The following ZZEF1 variants were observed in gnomAD, a reference collection of about 807,000 sequenced individuals.
ZZEF1 encodes the protein zinc finger ZZ-type and EF-hand domain containing 1, also known as zinc finger ZZ-type and EF-hand domain-containing protein 1.
ZZEF1 carries 157 observed loss-of-function variants against 342.8 expected under a neutral mutation model. The ratio of observed to expected loss-of-function variants is 0.46; its 90% CI spans 0.40 to 0.52. ZZEF1 has a LOEUF of 0.52. Ranked by LOEUF, ZZEF1 falls within the 20% of genes least tolerant of loss-of-function variation. ZZEF1 has a pLI of 0.00. For missense variants in ZZEF1, 3,480 were observed against 3,725.6 expected (o/e 0.93, Z 1.72); for synonymous variants, 1,505 against 1,429.1 (o/e 1.05, Z -1.20).
Position 4,014,549 on chromosome 17 carries a change from T to G in ZZEF1, c.8146-34A>C, listed in dbSNP as rs1257923334. ...GGGAAATGGAGAACACATCTGTCGA[T>G]GCTGCTCACTAGACACTGACTGCAG... is the stretch of plus-strand genomic sequence containing the variant. On this transcript the variant is annotated intron_variant, in intron 49 of 54. Transcript: ENST00000381638. This position sits in a 1 kb window ranked among gnomAD's most constrained non-coding sequence, Gnocchi z 4.4. 1 of 1,610,346 alleles carries G rather than the reference T, an allele frequency of 6.2e-7. No individual in the cohort carries two copies. The highest frequency in any genetic ancestry group is 8.5e-7 in the Non-Finnish European group (1 of 1,177,124).
chr17:4,084,900 C>T (rs1318048381), intron 16 of ZZEF1, among the ~76,000 whole-genome samples: 1 of 152,168 alleles, frequency 6.6e-6, no homozygotes, highest in Non-Finnish European at 1.5e-5. Context: ...ATCACTTGAG[C>T]CTTGGGCTTC....
chr17:4,074,136 G>T lies in ZZEF1; in HGVS notation c.3685+14C>A. 6.2e-7 allele frequency: 1 copy of T among 1,613,186 alleles called. No homozygotes were observed. The highest frequency in any genetic ancestry group is 1.3e-5 in the African/African-American group (1 of 75,048). On this transcript the variant is annotated intron_variant, in intron 24 of 54. Transcript: ENST00000381638. ...GTGGTTGTAAGAAGGGAAAGCACAG[G>T]GATGTGCACTTACGGCGCACAGACT...
Position 4,104,812 on chromosome 17 carries a change from C to T in ZZEF1, c.1395-1G>A. The T allele has an allele frequency of 6.2e-7, 1 of 1,609,598 alleles. No individual in the cohort carries two copies. The highest frequency in any genetic ancestry group is 8.5e-7 in the Non-Finnish European group (1 of 1,178,738). On this transcript the variant is annotated splice_acceptor_variant, in intron 7 of 54. Transcript: ENST00000381638. LOFTEE classifies it high-confidence loss of function. ...TTCTACCTCTGGGGTAGAACAGCAGCTATAAGCAAAGAGCAAAAACTTTTC... is the reference window on the plus strand; with the variant it reads ...TTCTACCTCTGGGGTAGAACAGCAGTTATAAGCAAAGAGCAAAAACTTTTC...
chr17:4,065,625 A>G (rs1259987746), intron 28 of ZZEF1, among the ~76,000 whole-genome samples: 3 of 152,140 alleles, frequency 2.0e-5, no homozygotes, highest in Non-Finnish European at 1.5e-5. Flanking sequence ...TTCCGTCATT[A>G]TTAACTCACG....
intron 19 of ZZEF1, among the ~76,000 whole-genome samples, chr17:4,077,369 C>T (rs527684512): frequency 2.6e-5 from 4 of 152,246 alleles, no homozygotes; most frequent in South Asian, 2.1e-4. Flanking sequence ...TAAGTGTTTT[C>T]GTCACAGCTG....
At chr17:4,110,369 G>A (rs577082425) in intron 5 of ZZEF1, among the ~76,000 whole-genome samples, 52 of 152,276 alleles carry the variant, frequency 3.4e-4, no homozygotes, top group Non-Finnish European at 5.6e-4. Flanking sequence ...GAGAAGGTAA[G>A]AATTTAAAAA....
chr17:4,022,865 G>C, intron 43 of ZZEF1, 37 bp from the exon 44 acceptor site: 1 of 1,609,470 alleles, frequency 6.2e-7, no homozygotes, highest in Non-Finnish European at 8.5e-7. Flanking sequence ...TGACTGCCTT[G>C]GAGTGAAGAA....
Position 4,095,868 on chromosome 17 carries a change from A to G in ZZEF1, c.1876T>C (p.Trp626Arg). 6.2e-7 allele frequency: 1 copy of G among 1,613,382 alleles called. No homozygotes were observed. The highest frequency in any genetic ancestry group is 8.5e-7 in the Non-Finnish European group (1 of 1,179,596). ...HFKRFEKYDKWKLQELRQFVK... is the reference protein window; with the variant it reads ...HFKRFEKYDKRKLQELRQFVK... ...AATTGCCTGAGCTCCTGAAGCTTCC[A>G]TTTGTCATATTTTTCAAACCTTTTG... is the stretch of plus-strand genomic sequence containing the variant. The change falls in exon 11 of 55, where the codon TGG becomes CGG. Residue 626 changes from tryptophan (W) to arginine (R), a missense_variant. Trp to Arg is a moderately radical substitution (Grantham distance 101). Around this residue, in one of 5 missense-constraint regions of ZZEF1, gnomAD observed 1,528 missense variants for 1,624.1 expected, o/e 0.94. Transcript: ENST00000381638.
intron 30 of ZZEF1, among the ~76,000 whole-genome samples, chr17:4,059,979 A>T (rs1354943753): frequency 3.3e-5 from 5 of 152,156 alleles, no homozygotes; most frequent in Non-Finnish European, 7.3e-5. Context: ...ACGCTGCCTC[A>T]TGTTCACTAT....
At chr17:4,073,643 C>T (rs1233497044) in intron 24 of ZZEF1, among the ~76,000 whole-genome samples, 3 of 152,144 alleles carry the variant, frequency 2.0e-5, no homozygotes, top group Non-Finnish European at 2.9e-5. Context: ...TCTCACTATG[C>T]TGCCCAGGCT....
chr17:4,056,127 G>GT (rs2057154407), intron 33 of ZZEF1, 89 bp downstream of exon 33: 1 of 1,363,068 alleles, frequency 7.3e-7, no homozygotes, highest in Non-Finnish European at 9.6e-7. Context: ...GCCCTCTCAG[G>GT]TAAGAGCCTG....
chr17:4,092,112 A>G (rs997223095), intron 11 of ZZEF1, among the ~76,000 whole-genome samples: 2 of 150,826 alleles, frequency 1.3e-5, no homozygotes, highest in African/African-American at 4.9e-5. Flanking sequence ...ATATAAATAA[A>G]TAAGAAGGAG....
chr17:4,056,080 G>T, intron 33 of ZZEF1, 136 bp downstream of exon 33: 1 of 939,158 alleles, frequency 1.1e-6, no homozygotes, highest in Non-Finnish European at 1.5e-6. Context: ...TTCAGCGGTT[G>T]GGGACCCCTT....
At chr17:4,082,618 G>T in intron 16 of ZZEF1, 114 bp from the exon 17 acceptor site, 1 of 979,058 alleles carries the variant, frequency 1.0e-6, no homozygotes, top group South Asian at 1.4e-5. Flanking sequence ...AGGAATGCCA[G>T]GCCAGCAGAC....
chr17:4,122,381 CTTT>C (rs778829771), intron 2 of ZZEF1, among the ~76,000 whole-genome samples: 3 of 145,120 alleles, frequency 2.1e-5, no homozygotes, highest in Non-Finnish European at 3.0e-5. Context: ...CATGTCTTTT[CTTT>C]TTTTTTTTTT....
intron 42 of ZZEF1, among the ~76,000 whole-genome samples, chr17:4,027,340 G>C (rs2056434017): frequency 7.9e-6 from 1 of 127,334 alleles, no homozygotes; most frequent in Admixed American, 1.0e-4. Context: ...TGTTCCCCAG[G>C]CTAGAGTGCA....
rs756080591 is a variant in ZZEF1 at position 4,072,662 on chromosome 17, T to G, written c.3780A>C (p.Pro1260=). ...GCCAGCTTGCTTCTAATTCCAACTC[T>G]GGACAAACCTGATGCCTGAAGACAG... ...WKPVFRHQVC[P]ELELEASWPT... is the part of the protein sequence containing the mutation. Residue 1260 remains proline (P), a synonymous_variant, in exon 25 of 55, where the codon CCA becomes CCC. Transcript: ENST00000381638. The G allele has an allele frequency of 2.3e-5, 37 of 1,614,028 alleles. 1 individual carries two copies. Among genetic ancestry groups the G allele is most frequent in the Middle Eastern group, 3.3e-4 (2 of 6,062 alleles).
intron 5 of ZZEF1, among the ~76,000 whole-genome samples, chr17:4,111,080 AAAAGAACATGC>A (rs1156450424): frequency 2.0e-5 from 3 of 152,254 alleles, no homozygotes; most frequent in African/African-American, 7.2e-5. Flanking sequence ...AAAAAATTAC[AAAAGAACATGC>A]AAAGAATATC....
Position 4,044,338 on chromosome 17 carries a change from C to A in ZZEF1, c.6052G>T (p.Asp2018Tyr). The change falls in exon 38 of 55, where the codon GAT (aspartate) becomes TAT (tyrosine). Residue 2018 changes from aspartate to tyrosine, a missense_variant. Physicochemically the swap from Asp to Tyr is radical, Grantham distance 160 (BLOSUM62 -3). Transcript: ENST00000381638. ...TCTGCCTTATTTCTCTGCTTGAAAT[C>A]TACAGGTCTGATTTCCTCATGAACA... Reference protein sequence around the residue: ...RAVHEEIRPVDFKQRNKADKG... With the variant: ...RAVHEEIRPVYFKQRNKADKG... 3 of 1,614,010 alleles carry A rather than the reference C, an allele frequency of 1.9e-6. No individual in the cohort carries two copies. The highest frequency in any genetic ancestry group is 2.5e-6 in the Non-Finnish European group (3 of 1,179,962).
Sources: allele counts gnomAD v4.1 joint callset (sites outside exome capture counted in the v4.1 genomes callset), GRCh38; gene constraint gnomAD v4.1.1; regional missense constraint gnomAD v4.1.1; non-coding constraint Gnocchi (gnomAD v3.1); transcripts MANE v1.5; gene names NCBI Gene and HGNC (gene_info 2026-07-23, HGNC 2026-07-21).